The following BPGM variants were observed in gnomAD, a reference collection of about 807,000 sequenced individuals.
BPGM encodes 2,3-bisphosphoglycerate mutase, erythrocyte.
A neutral mutation model predicts 21.6 loss-of-function variants in BPGM; 15 were observed. The ratio of observed to expected loss-of-function variants is 0.70; its 90% CI spans 0.47 to 1.07. The LOEUF (loss-of-function observed/expected upper bound fraction) is 1.07, where lower values mean the gene tolerates loss of function less well. Among genes scored for constraint, BPGM ranks in the 50% least tolerant of loss-of-function variants. The pLI is 0.00. For synonymous variants in BPGM, 113 were observed against 116.2 expected (o/e 0.97, Z 0.18); for missense variants, 273 against 319.0 (o/e 0.86, Z 1.10).
chr7:134,672,260 ACAG>A (rs2131455967), intron 2 of BPGM, among the ~76,000 whole-genome samples: 1 of 138,374 alleles, frequency 7.2e-6, no homozygotes, highest in Admixed American at 7.2e-5. Context: ...AGTATTTAAC[ACAG>A]ACTTAAAGAC....
At chr7:134,656,536 A>G (rs1039488347) in intron 1 of BPGM, among the ~76,000 whole-genome samples, 9 of 152,228 alleles carry the variant, frequency 5.9e-5, no homozygotes, top group Admixed American at 6.5e-5. Context: ...GAAACTTACA[A>G]TCATGGTGGA....
intron 2 of BPGM, among the ~76,000 whole-genome samples, chr7:134,667,970 C>G (rs1795844995): frequency 6.6e-6 from 1 of 152,120 alleles, no homozygotes; most frequent in African/African-American, 2.4e-5. Context: ...GAATATTGGT[C>G]TATGCTGAAA....
chr7:134,649,137 G>A (rs6467546), intron 1 of BPGM, among the ~76,000 whole-genome samples: 110,855 of 151,888 alleles, frequency 0.73, 41,984 homozygotes, highest in East Asian at 0.96. Context: ...CAATCCAATT[G>A]TACTCTTTTA....
intron 1 of BPGM, among the ~76,000 whole-genome samples, chr7:134,657,069 G>T (rs1795650609): frequency 6.6e-6 from 1 of 152,210 alleles, no homozygotes; most frequent in East Asian, 1.9e-4. Flanking sequence ...TAGAGCAGTT[G>T]TTACACCTTA....
At chr7:134,654,402 T>C (rs1252480029) in intron 1 of BPGM, among the ~76,000 whole-genome samples, 1 of 152,140 alleles carries the variant, frequency 6.6e-6, no homozygotes, top group Non-Finnish European at 1.5e-5. Context: ...GTTCAGGGCA[T>C]AGATACAGAC....
chr7:134,674,070 G>A (rs556063960), intron 2 of BPGM, among the ~76,000 whole-genome samples: 16 of 151,570 alleles, frequency 1.1e-4, no homozygotes, highest in Non-Finnish European at 2.2e-4. Flanking sequence ...CCACCACCAC[G>A]CCTGGCTAAT....
intron 1 of BPGM, among the ~76,000 whole-genome samples, chr7:134,647,518 G>A (rs951864642): frequency 6.6e-6 from 1 of 152,180 alleles, no homozygotes; most frequent in African/African-American, 2.4e-5. Flanking sequence ...GGGACGAGCT[G>A]GTATTACACT....
At position 134,657,202 on chromosome 7, in the gene BPGM, C is replaced by T. The variant is rs554768946; in HGVS notation, c.-61-4245C>T. ...CCTCGCATTATATCTTGATTGGACA[C>T]AACTGATCTAAAGGATGACTAGAGC... On this transcript the variant is annotated intron_variant, in intron 1 of 2. Transcript: ENST00000344924. Among the ~76,000 whole-genome samples the T allele has an allele frequency of 2.6e-5, 4 of 152,292 alleles. No homozygotes were observed. The South Asian group carries it at 6.2e-4, about 24-fold the overall frequency.
chr7:134,679,800 A>C lies in BPGM; in HGVS notation c.*769A>C, dbSNP rs1291960916. On this transcript the variant is annotated 3_prime_UTR_variant, in exon 3 of 3. Coordinates refer to ENST00000344924, the MANE Select transcript of BPGM (RefSeq NM_001724.5). Reference sequence around the variant, plus strand: ...AAAGTTCCTGATAATAAAGTGACTGAAAATGGCATCCCCAAAGTGTCTCCG... The same window carrying C: ...AAAGTTCCTGATAATAAAGTGACTGCAAATGGCATCCCCAAAGTGTCTCCG... 3 of 152,250 alleles carry C rather than the reference A, an allele frequency of 2.0e-5. No individual in the cohort carries two copies. Among genetic ancestry groups the C allele is most frequent in the Non-Finnish European group, 4.4e-5 (3 of 68,042 alleles). 9.4% of individuals were successfully genotyped at this position (152,250 alleles called of 1,614,324 possible). A position where few individuals can be genotyped will look rare whatever the true frequency, so the allele number is the denominator to read the frequency against.
chr7:134,656,267 C>G (rs1795636902), intron 1 of BPGM, among the ~76,000 whole-genome samples: 1 of 152,146 alleles, frequency 6.6e-6, no homozygotes, highest in African/African-American at 2.4e-5. Flanking sequence ...AGCCACTGGT[C>G]ACATGTGGCT....
At chr7:134,654,862 G>T (rs1043753405) in intron 1 of BPGM, among the ~76,000 whole-genome samples, 1 of 152,118 alleles carries the variant, frequency 6.6e-6, no homozygotes, top group Non-Finnish European at 1.5e-5. Context: ...CAAGTTTGGT[G>T]TCAGGAAACT....
intron 1 of BPGM, among the ~76,000 whole-genome samples, chr7:134,653,673 G>T (rs1795590988): frequency 6.6e-6 from 1 of 152,092 alleles, no homozygotes; most frequent in Non-Finnish European, 1.5e-5. Context: ...TGTGAAAGGG[G>T]CCCTAGTAGT....
At chr7:134,663,386 T>TG (rs750220362) in intron 2 of BPGM, among the ~76,000 whole-genome samples, 6 of 126,672 alleles carry the variant, frequency 4.7e-5, no homozygotes, top group Admixed American at 7.9e-5. Flanking sequence ...GTGTGTGTGT[T>TG]TGTGTGTGTG....
At chr7:134,675,341 TTACTC>T (rs1488142947) in intron 2 of BPGM, among the ~76,000 whole-genome samples, 11 of 152,158 alleles carry the variant, frequency 7.2e-5, no homozygotes, top group African/African-American at 2.7e-4. Flanking sequence ...GATGAAGACT[TTACTC>T]CTATGGCTTT....
chr7:134,666,154 C>T (rs149662310), intron 2 of BPGM, among the ~76,000 whole-genome samples: 41 of 152,212 alleles, frequency 2.7e-4, no homozygotes, highest in African/African-American at 8.7e-4. Context: ...TCTGGGATTA[C>T]GGCATGAGCC....
chr7:134,649,518 A>T (rs1795523595), intron 1 of BPGM, among the ~76,000 whole-genome samples: 2 of 131,368 alleles, frequency 1.5e-5, no homozygotes, highest in Non-Finnish European at 3.2e-5. Context: ...GAGGTCACAA[A>T]CGTGTTTGAA....
intron 2 of BPGM, among the ~76,000 whole-genome samples, chr7:134,671,187 G>A (rs1054168551): frequency 6.6e-6 from 1 of 152,036 alleles, no homozygotes; most frequent in Non-Finnish European, 1.5e-5. Flanking sequence ...ACTAAATCAG[G>A]TCTTGTTCAT....
In BPGM at chr7:134,650,477, G is replaced by A. The variant is rs543964374; in HGVS notation, c.-62+3540G>A. 2.0e-5 allele frequency among the ~76,000 whole-genome samples: 3 copies of A among 152,324 alleles called. No homozygotes were observed. The East Asian group carries it at 5.8e-4, about 29-fold the overall frequency. On this transcript the variant is annotated intron_variant, in intron 1 of 2. Transcript: ENST00000344924. ...CCTGTAAGTGGTAACATTTGCTCCT[G>A]TAAAATGATGTTCTTATAACTGCAA...
At position 134,665,649 on chromosome 7, in the gene BPGM, GA is replaced by G. The variant is rs1164169964; in HGVS notation, c.601+3565del. ...AAAATAAAATAAAATAAAAATTAAT[GA>G]AAAAAAAAAAAAAAAAAAAAAAAGT... On this transcript the variant is annotated intron_variant, in intron 2 of 2. Transcript: ENST00000344924. Among the ~76,000 whole-genome samples the G allele has an allele frequency of 3.6e-3, 283 of 78,244 alleles. 47 individuals are homozygous for G. The highest frequency in any genetic ancestry group is 0.02 in the Middle Eastern group (2 of 102). The allele number at this position is 78,244 out of a possible 152,430, so 51.3% of individuals were successfully genotyped here.
Sources: allele counts gnomAD v4.1 joint callset (sites outside exome capture counted in the v4.1 genomes callset), GRCh38; gene constraint gnomAD v4.1.1; transcripts MANE v1.5; gene names NCBI Gene and HGNC (gene_info 2026-07-23, HGNC 2026-07-21).